Variants in SUGCT observed in about 807,000 individuals in gnomAD.
The protein encoded by SUGCT is succinyl-CoA:glutarate-CoA transferase.
A neutral mutation model predicts 55.0 loss-of-function variants in SUGCT; 41 were observed. The observed-to-expected ratio is 0.74, with a 90% CI of 0.58 to 0.97. The LOEUF is 0.97. SUGCT is among the 50% of genes least tolerant of loss of function. The pLI is 0.00. For synonymous variants in SUGCT, 187 were observed against 200.4 expected (o/e 0.93, Z 0.56); for missense variants, 568 against 547.8 (o/e 1.04, Z -0.37).
chr7:40,135,097 TGTGGACTGGCCGCCCGCA>T lies in SUGCT; in HGVS notation c.80_97del (p.Trp27_Gln32del). On this transcript the variant is annotated inframe_deletion, in exon 1 of 14. Coordinates refer to ENST00000335693, the MANE Select transcript of SUGCT (RefSeq NM_001193313.2). Reference sequence around the variant, plus strand: ...TCCGGCCGGGGCGGCGGGAGGGGGCTGTGGACTGGCCGCCCGCAGTCAGGTACCCTCCGAGATTCGGTC... The same window carrying T: ...TCCGGCCGGGGCGGCGGGAGGGGGCTGTCAGGTACCCTCCGAGATTCGGTC... 6.4e-7 allele frequency: 1 copy of T among 1,557,868 alleles called. No homozygotes were observed. Among genetic ancestry groups the T allele is most frequent in the Non-Finnish European group, 8.7e-7 (1 of 1,152,004 alleles).
chr7:40,295,814 G>C (rs1794102851), intron 8 of SUGCT, among the ~76,000 whole-genome samples: 1 of 151,954 alleles, frequency 6.6e-6, no homozygotes, highest in African/African-American at 2.4e-5. Flanking sequence ...ATTTTTTAAC[G>C]CCTGCCCAGT....
chr7:40,208,155 T>C (rs1174336427), intron 6 of SUGCT, among the ~76,000 whole-genome samples: 1 of 152,126 alleles, frequency 6.6e-6, no homozygotes, highest in Non-Finnish European at 1.5e-5. Flanking sequence ...AGACAGGAAG[T>C]AAAATGGTAG....
At chr7:40,178,938 A>AT (rs1479341461) in intron 1 of SUGCT, among the ~76,000 whole-genome samples, 1 of 151,106 alleles carries the variant, frequency 6.6e-6, no homozygotes, top group Non-Finnish European at 1.5e-5. Flanking sequence ...CTTTTATTTT[A>AT]TTTTTTTGTT....
intron 9 of SUGCT, among the ~76,000 whole-genome samples, chr7:40,392,243 C>T (rs1391557055): frequency 1.3e-5 from 2 of 152,100 alleles, no homozygotes; most frequent in Non-Finnish European, 2.9e-5. Context: ...TGTAACAAAC[C>T]TGCACGTTGT....
At chr7:40,505,411 C>T (rs923257853) in intron 12 of SUGCT, among the ~76,000 whole-genome samples, 2 of 151,922 alleles carry the variant, frequency 1.3e-5, no homozygotes, top group African/African-American at 4.8e-5. Context: ...TTCTATGTGT[C>T]TTATGTCTTT....
At chr7:40,291,948 C>T (rs1423445777) in intron 8 of SUGCT, among the ~76,000 whole-genome samples, 1 of 152,166 alleles carries the variant, frequency 6.6e-6, no homozygotes, top group Non-Finnish European at 1.5e-5. Context: ...AAGGAACCAG[C>T]TTTGTCGACA....
chr7:40,470,442 C>T (rs978406596), intron 11 of SUGCT, among the ~76,000 whole-genome samples: 1 of 152,148 alleles, frequency 6.6e-6, no homozygotes, highest in Admixed American at 6.6e-5. Context: ...CCGATTTCCA[C>T]CAGCTGTTTA....
intron 11 of SUGCT, among the ~76,000 whole-genome samples, chr7:40,477,465 G>A (rs1790764257): frequency 6.6e-6 from 1 of 152,010 alleles, no homozygotes; most frequent in Admixed American, 6.6e-5. Context: ...CCTCTCTTCA[G>A]GGTTCCTTGG....
chr7:40,375,606 C>T (rs768005029), intron 9 of SUGCT, among the ~76,000 whole-genome samples: 1 of 152,172 alleles, frequency 6.6e-6, no homozygotes, highest in Non-Finnish European at 1.5e-5. Context: ...GCACAACTAT[C>T]CCTCATTTGA....
chr7:40,343,022 T>C (rs1192035497), intron 9 of SUGCT, among the ~76,000 whole-genome samples: 1 of 152,174 alleles, frequency 6.6e-6, no homozygotes, highest in Non-Finnish European at 1.5e-5. Context: ...TTTAGACACA[T>C]GGCATATAAG....
intron 9 of SUGCT, among the ~76,000 whole-genome samples, chr7:40,428,455 C>T (rs1469204071): frequency 6.6e-6 from 1 of 151,838 alleles, no homozygotes; most frequent in African/African-American, 2.4e-5. Flanking sequence ...CCGTGTTTTC[C>T]TGTCTTGTTG....
chr7:40,528,165 C>A (rs1287287859), intron 12 of SUGCT, among the ~76,000 whole-genome samples: 1 of 152,144 alleles, frequency 6.6e-6, no homozygotes, highest in Non-Finnish European at 1.5e-5. Context: ...TGAATGAAAT[C>A]ATACCTGCAA....
chr7:40,491,836 A>G (rs1791700139), intron 11 of SUGCT, among the ~76,000 whole-genome samples: 1 of 152,046 alleles, frequency 6.6e-6, no homozygotes, highest in African/African-American at 2.4e-5. Context: ...CTAAAAATAC[A>G]AAAATTAGCC....
rs375395907 is a variant in SUGCT, at chr7:40,303,206, G to T, written c.721-13554G>T. Among the ~76,000 whole-genome samples the T allele has an allele frequency of 6.0e-5, 9 of 151,096 alleles. No individual in the cohort carries two copies. In the South Asian group the frequency reaches 1.1e-3, roughly 18 times the overall value. On this transcript the variant is annotated intron_variant, in intron 8 of 13. Transcript: ENST00000335693. ...CTGCCACCTCGCCTGGCTAATTTTT[G>T]TGTTTTTAGTAGAGATGGGGTTTCA...
chr7:40,176,550 T>C (rs1784930782), intron 1 of SUGCT, among the ~76,000 whole-genome samples: 1 of 152,184 alleles, frequency 6.6e-6, no homozygotes, highest in Non-Finnish European at 1.5e-5. Context: ...TTTCTGCCCC[T>C]TCCCTTTGCC....
At chr7:40,239,308 T>C (rs1406298547) in intron 7 of SUGCT, among the ~76,000 whole-genome samples, 1 of 152,082 alleles carries the variant, frequency 6.6e-6, no homozygotes, top group Non-Finnish European at 1.5e-5. Context: ...CTTGAACTCC[T>C]GGACTCACGA....
chr7:40,539,772 C>A (rs573005180), intron 12 of SUGCT: 1 of 152,090 alleles, frequency 6.6e-6, no homozygotes, highest in South Asian at 2.1e-4. Flanking sequence ...TAGAAAAATG[C>A]GTTTGACATT....
chr7:40,761,993 G>C (rs1475484867), intron 13 of SUGCT, among the ~76,000 whole-genome samples: 1 of 152,182 alleles, frequency 6.6e-6, no homozygotes, highest in African/African-American at 2.4e-5. Flanking sequence ...CACGCCCCGG[G>C]GAACCTGTGT....
the SUGCT span, among the ~76,000 whole-genome samples, chr7:40,879,662 A>G: frequency 6.6e-6 from 1 of 152,262 alleles, no homozygotes; most frequent in Admixed American, 6.5e-5. Flanking sequence ...ATTTTTTTCC[A>G]TATTACATTT....
Sources: allele counts gnomAD v4.1 joint callset (sites outside exome capture counted in the v4.1 genomes callset), GRCh38; gene constraint gnomAD v4.1.1; transcripts MANE v1.5; gene names NCBI Gene and HGNC (gene_info 2026-07-23, HGNC 2026-07-21).